REXO1: variants seen among roughly 807,000 people sequenced by gnomAD.
The protein encoded by REXO1 is RNA exonuclease 1 homolog, also known as REX1, RNA exonuclease 1 homolog.
In REXO1, 42 loss-of-function variants were observed where a neutral mutation model predicts 102.6. The ratio of observed to expected loss-of-function variants is 0.41; its 90% CI spans 0.32 to 0.53. REXO1 has a LOEUF of 0.53. REXO1 is among the 20% of genes least tolerant of loss of function. The pLI is 0.27. For synonymous variants in REXO1, 908 were observed against 779.1 expected, an observed-to-expected ratio of 1.17 and a Z score of -2.76; for missense variants, 1,819 against 1,732.5, an observed-to-expected ratio of 1.05 and a Z score of -0.89.
rs563372023 is a variant in REXO1 at position 1,838,558 on chromosome 19, G to A, written c.157+9644C>T. On this transcript the variant is annotated intron_variant, in intron 1 of 15. Transcript: ENST00000170168. ...CTCACGCCTGTAATCCCAGCTACTCGGGAGGCTGAGGCAGGAGAATCGTTT... is the reference window on the plus strand; with the variant it reads ...CTCACGCCTGTAATCCCAGCTACTCAGGAGGCTGAGGCAGGAGAATCGTTT... Among the ~76,000 whole-genome samples, 141 of 150,904 alleles carry A rather than the reference G, an allele frequency of 9.3e-4. 4 individuals carry two copies. The South Asian group carries it at 0.026, about 28-fold the overall frequency.
rs374156408 is a variant in REXO1 at position 1,816,158 on chromosome 19, C to T, written c.3578-4G>A. 1.8e-4 allele frequency: 277 copies of T among 1,552,430 alleles called. No individual in the cohort carries two copies. Among genetic ancestry groups the T allele is most frequent in the African/African-American group, 3.1e-4 (23 of 73,426 alleles). On this transcript the variant is annotated splice_region_variant and splice_polypyrimidine_tract_variant and intron_variant, in intron 15 of 15. Transcript: ENST00000170168. ...TCGCTGGAGCTGTGCCCATCCACTG[C>T]GGGGCAGATGCGGTGAGCACCCGGC...
chr19:1,824,676 C>T (rs571693606), intron 3 of REXO1: 1 of 152,152 alleles, frequency 6.6e-6, no homozygotes, highest in Non-Finnish European at 1.5e-5. Flanking sequence ...TATGGTAAAA[C>T]TTGGGTGGAA....
intron 1 of REXO1, among the ~76,000 whole-genome samples, chr19:1,845,989 A>AG (rs1397521570): frequency 4.6e-5 from 7 of 152,334 alleles, no homozygotes; most frequent in African/African-American, 1.7e-4. Context: ...AATAGCTCAC[A>AG]GGGTCACCAT....
chr19:1,832,418 CGAAGGCG>C (rs2069931783), intron 1 of REXO1, among the ~76,000 whole-genome samples: 1 of 152,212 alleles, frequency 6.6e-6, no homozygotes, highest in South Asian at 2.1e-4. Flanking sequence ...CCTGTACCTG[CGAAGGCG>C]GAAGGCCCCT....
At position 1,826,323 on chromosome 19, in the gene REXO1, G is replaced by A. The variant is rs1263938988; in HGVS notation, c.1912-380C>T. Among the ~76,000 whole-genome samples the A allele has an allele frequency of 6.6e-6, 1 of 152,044 alleles. No homozygotes were observed. The highest frequency in any genetic ancestry group is 1.5e-5 in the Non-Finnish European group (1 of 68,002). On this transcript the variant is annotated intron_variant, in intron 2 of 15. Transcript: ENST00000170168. This position sits in a 1 kb window ranked among gnomAD's most constrained non-coding sequence, Gnocchi z 4.3. ...CTGGTGGCCAATTTGGGGACACGGG[G>A]CCAGGAGACCCAGGGGTCCAGGGCT...
rs2069736944 is a variant in REXO1 at position 1,826,776 on chromosome 19, G to A, written c.1911+102C>T. On this transcript the variant is annotated intron_variant, in intron 2 of 15. Transcript: ENST00000170168. This position sits in a 1 kb window ranked among gnomAD's most constrained non-coding sequence, Gnocchi z 4.3. ...AGCACTGAGGAGCTGCCTCCACCCC[G>A]TGCCTCCGAGCCAACTGGAAACCAC... The A allele has an allele frequency of 7.3e-6, 11 of 1,499,106 alleles. No individual in the cohort carries two copies. Among genetic ancestry groups the A allele is most frequent in the South Asian group, 5.2e-5 (4 of 77,534 alleles). 92.9% of individuals were successfully genotyped at this position (1,499,106 alleles called of 1,614,324 possible).
rs182777037 is a variant in REXO1, at chr19:1,824,861, T to C, written c.2016+978A>G. Among the ~76,000 whole-genome samples, 5 of 152,130 alleles carry C rather than the reference T, an allele frequency of 3.3e-5. No individual in the cohort carries two copies. In the East Asian group the frequency reaches 7.8e-4, roughly 24 times the overall value. Reference sequence around the variant, plus strand: ...AGCGCAATGGCACGATCTTGGCTCATTGAATCCTCCACCTCCCGGGTTCAA... The same window carrying C: ...AGCGCAATGGCACGATCTTGGCTCACTGAATCCTCCACCTCCCGGGTTCAA... On this transcript the variant is annotated intron_variant, in intron 3 of 15. Transcript: ENST00000170168.
intron 4 of REXO1, chr19:1,821,954 G>A (rs903147430): frequency 1.8e-6 from 1 of 547,992 alleles, no homozygotes; most frequent in Non-Finnish European, 3.2e-6. Flanking sequence ...CACGTGTTCT[G>A]ACCCCAAGCC....
At chr19:1,818,366 C>A in intron 10 of REXO1, 116 bp downstream of exon 10, 4 of 750,752 alleles carry the variant, frequency 5.3e-6, no homozygotes, top group Non-Finnish European at 8.8e-6. Flanking sequence ...GCCCAGGGAC[C>A]CTGAGTGGGA....
At chr19:1,828,715 G>A (rs1166652683) in intron 1 of REXO1, 84 bp from the exon 2 acceptor site, 2 of 1,444,998 alleles carry the variant, frequency 1.4e-6, no homozygotes, top group African/African-American at 1.4e-5. Context: ...TCAAACTGCA[G>A]GGAAGGGAAG....
chr19:1,837,421 C>A (rs2070071535), intron 1 of REXO1, among the ~76,000 whole-genome samples: 1 of 152,246 alleles, frequency 6.6e-6, no homozygotes, highest in South Asian at 2.1e-4. Flanking sequence ...AAGGGACCAG[C>A]ACTCTGCACC....
chr19:1,819,981 A>T lies in REXO1; in HGVS notation c.2603T>A (p.Leu868His). The T allele has an allele frequency of 6.3e-7, 1 of 1,595,252 alleles. No homozygotes were observed. The highest frequency in any genetic ancestry group is 8.5e-7 in the Non-Finnish European group (1 of 1,174,244). ...NIYLNVAVNT[L>H]KKLRGLAPSA... ...GGGGGCCAGGCCCCTGAGCTTCTTGAGGGTGTTCACGGCCACATTCAGGTA... is the reference window on the plus strand; with the variant it reads ...GGGGGCCAGGCCCCTGAGCTTCTTGTGGGTGTTCACGGCCACATTCAGGTA... The change falls in exon 7 of 16, where the codon CTC (leucine) becomes CAC (histidine). Residue 868 changes from leucine (L) to histidine (H), a missense_variant. By Grantham distance (99) the Leu-to-His change is moderately conservative. Coordinates refer to ENST00000170168, the MANE Select transcript of REXO1 (RefSeq NM_020695.4).
rs537671113 is a variant in REXO1, at chr19:1,826,977, C to T, written c.1812G>A (p.Lys604=). Residue 604 remains lysine (K), a synonymous_variant, in exon 2 of 16, where the codon AAG becomes AAA. Coordinates refer to ENST00000170168, the MANE Select transcript of REXO1 (RefSeq NM_020695.4). The surrounding 1 kb of genome is among the most constrained non-coding windows in gnomAD (Gnocchi z 4.3). ...TGGGGTCGGAGTCAAAGTCCACCTC[C>T]TTCTCCAGGGCCGAGTAGTCCACAT... ...GADVDYSALE[K]EVDFDSDPME... 8.7e-5 allele frequency: 137 copies of T among 1,566,064 alleles called. 2 individuals are homozygous for T. The South Asian group carries it at 1.4e-3, about 16-fold the overall frequency.
At chr19:1,817,366 G>A (rs918294971) in intron 11 of REXO1, 37 bp from the exon 12 acceptor site, 17 of 1,607,678 alleles carry the variant, frequency 1.1e-5, no homozygotes, top group Non-Finnish European at 1.4e-5. Flanking sequence ...CAGCTTCGGG[G>A]TGCAGTGGGG....
chr19:1,840,819 C>G (rs1404899074), intron 1 of REXO1, among the ~76,000 whole-genome samples: 2 of 152,182 alleles, frequency 1.3e-5, no homozygotes, highest in Non-Finnish European at 2.9e-5. Flanking sequence ...TGGACCCAGA[C>G]AGGGCCTTGG....
Position 1,826,255 on chromosome 19 carries a change from C to T in REXO1, c.1912-312G>A, listed in dbSNP as rs1339852951. On this transcript the variant is annotated intron_variant, in intron 2 of 15. Transcript: ENST00000170168. The surrounding 1 kb of genome is among the most constrained non-coding windows in gnomAD (Gnocchi z 4.3). Reference sequence around the variant, plus strand: ...CCACCTTGGGCCGAACCAGCTGCTGCGGGCTGAGCACTTGGGCTCAGTCTG... The same window carrying T: ...CCACCTTGGGCCGAACCAGCTGCTGTGGGCTGAGCACTTGGGCTCAGTCTG... Among the ~76,000 whole-genome samples, 3 of 152,118 alleles carry T rather than the reference C, an allele frequency of 2.0e-5. No homozygotes were observed. Among genetic ancestry groups the T allele is most frequent in the African/African-American group, 7.2e-5 (3 of 41,412 alleles).
intron 1 of REXO1, among the ~76,000 whole-genome samples, chr19:1,839,667 C>T (rs1243265396): frequency 6.6e-6 from 1 of 152,254 alleles, no homozygotes; most frequent in Admixed American, 6.5e-5. Flanking sequence ...GAATACCTGC[C>T]CAGGACCTCA....
Position 1,818,826 on chromosome 19 carries a change from G to A in REXO1, c.2782C>T (p.Arg928Cys), listed in dbSNP as rs753286331. ...EDLKGAALYS[R>C]LREYLLTQDQ... is the part of the protein sequence containing the mutation. ...TGGGTGAGCAGGTACTCCCTGAGGC[G>A]GCTGTACAGGGCAGCCCCTGTGGAC... Residue 928 changes from arginine (R) to cysteine (C), a missense_variant, in exon 9 of 16, where the codon CGC (arginine) becomes TGC (cysteine). By Grantham distance (180) the Arg-to-Cys change is radical. Coordinates refer to ENST00000170168, the MANE Select transcript of REXO1 (RefSeq NM_020695.4). 1.9e-5 allele frequency: 30 copies of A among 1,609,100 alleles called. 1 individual carries two copies. The Middle Eastern group carries it at 1.0e-3, about 54-fold the overall frequency.
intron 1 of REXO1, among the ~76,000 whole-genome samples, chr19:1,842,285 C>T (rs1376021083): frequency 2.6e-5 from 4 of 152,154 alleles, no homozygotes; most frequent in African/African-American, 9.6e-5. Context: ...AGACCGGCAT[C>T]CTCATCCTCA....
Sources: allele counts gnomAD v4.1 joint callset (sites outside exome capture counted in the v4.1 genomes callset), GRCh38; gene constraint gnomAD v4.1.1; non-coding constraint Gnocchi (gnomAD v3.1); transcripts MANE v1.5; gene names NCBI Gene and HGNC (gene_info 2026-07-23, HGNC 2026-07-21).